The following QKI variants were observed in gnomAD, a reference collection of about 807,000 sequenced individuals.
QKI encodes QKI, KH domain containing RNA binding.
In QKI, 10 loss-of-function variants were observed where a neutral mutation model predicts 39.0. That is an observed-to-expected ratio of 0.26 (90% CI 0.16 to 0.43). QKI has a LOEUF of 0.43. QKI is among the 20% of genes least tolerant of loss of function. The probability of loss-of-function intolerance (pLI) is 1.00; values close to 1 mark genes in which losing one functional copy is unlikely to be tolerated. For synonymous variants in QKI, 204 were observed against 155.4 expected, an observed-to-expected ratio of 1.31 and a Z score of -2.33; for missense variants, 218 against 428.0, an observed-to-expected ratio of 0.51 and a Z score of 4.33.
intron 4 of QKI, among the ~76,000 whole-genome samples, chr6:163,556,577 A>ATAAAT (rs1366739003): frequency 6.6e-6 from 1 of 151,710 alleles, no homozygotes; most frequent in Non-Finnish European, 1.5e-5. Context: ...CTTAATATGC[A>ATAAAT]TAAATTAAAA....
At chr6:163,457,634 ATTT>A (rs375211921) in intron 2 of QKI, 2,102 of 268,092 alleles carry the variant, frequency 7.8e-3, no homozygotes, top group Middle Eastern at 0.015. Flanking sequence ...CACTCCTCTA[ATTT>A]TTTTTTTTTT....
At chr6:163,421,244 G>T (rs192971130) in intron 1 of QKI, among the ~76,000 whole-genome samples, 17 of 152,290 alleles carry the variant, frequency 1.1e-4, no homozygotes, top group Admixed American at 7.8e-4. Context: ...TGCTGCCAAG[G>T]TGCTTAATTT....
At chr6:163,562,200 A>T (rs895602091) in intron 5 of QKI, 131 bp downstream of exon 5, 6 of 495,662 alleles carry the variant, frequency 1.2e-5, no homozygotes, top group African/African-American at 2.0e-5. Flanking sequence ...GTCACTTGAT[A>T]TGGGGCTGAC....
At chr6:163,512,348 T>G (rs1431654425) in intron 3 of QKI, among the ~76,000 whole-genome samples, 1 of 152,020 alleles carries the variant, frequency 6.6e-6, no homozygotes, top group Non-Finnish European at 1.5e-5. Context: ...AATAAAGCAG[T>G]AAAACAAAAT....
At chr6:163,441,132 C>T (rs997720283) in intron 1 of QKI, among the ~76,000 whole-genome samples, 1 of 151,824 alleles carries the variant, frequency 6.6e-6, no homozygotes, top group Non-Finnish European at 1.5e-5. Flanking sequence ...CGGTTTTTTT[C>T]TTAAAGCCAA....
intron 3 of QKI, among the ~76,000 whole-genome samples, chr6:163,503,963 G>A (rs1306506301): frequency 2.6e-5 from 4 of 151,780 alleles, no homozygotes; most frequent in South Asian, 2.1e-4. Context: ...AGCTGGTCTC[G>A]AACTCGTGAG....
At chr6:163,437,039 T>C (rs549385610) in intron 1 of QKI, among the ~76,000 whole-genome samples, 1 of 152,262 alleles carries the variant, frequency 6.6e-6, no homozygotes, top group South Asian at 2.1e-4. Context: ...TTAATTCCCT[T>C]ATCGGTGACA....
intron 2 of QKI, chr6:163,457,430 G>A (rs1444196490): frequency 2.2e-6 from 1 of 455,868 alleles, no homozygotes; most frequent in Non-Finnish European, 4.4e-6. Context: ...GTGTGTTGGA[G>A]CATGGCATTT....
intron 1 of QKI, among the ~76,000 whole-genome samples, chr6:163,420,704 C>T (rs893103291): frequency 4.6e-5 from 7 of 152,072 alleles, no homozygotes; most frequent in South Asian, 4.1e-4. Context: ...ATTTATACCC[C>T]TTTAAAAAAG....
intron 4 of QKI, among the ~76,000 whole-genome samples, chr6:163,548,116 A>C (rs1464882994): frequency 1.3e-5 from 2 of 152,158 alleles, no homozygotes; most frequent in Non-Finnish European, 2.9e-5. Flanking sequence ...TTCTGTACTA[A>C]TATTATAGTA....
rs57881826 is a variant in QKI, at chr6:163,501,352, C to G, written c.402+22456C>G. Among the ~76,000 whole-genome samples the G allele has an allele frequency of 3.3e-3, 501 of 151,104 alleles. 4 individuals are homozygous for G. The highest frequency in any genetic ancestry group is 0.011 in the African/African-American group (472 of 41,200). On this transcript the variant is annotated intron_variant, in intron 3 of 7. Transcript: ENST00000361752. ...TAGACAATAGTTGTTTAATGAGCTG[C>G]TTGTACATACAAGAGAAGAGAATGG...
rs965959373 is a variant in QKI, at chr6:163,488,337, AAGAG to A, written c.402+9453_402+9456del. 2.2e-3 allele frequency among the ~76,000 whole-genome samples: 340 copies of A among 152,064 alleles called. 1 individual carries two copies. The highest frequency in any genetic ancestry group is 4.6e-3 in the African/African-American group (192 of 41,508). ...TTGTTAACAAAAAGTGACAAAAAAA[AAGAG>A]AGAGAGAGAGAAAGAAATAGTGCAG... On this transcript the variant is annotated intron_variant, in intron 3 of 7. Coordinates refer to ENST00000361752, the MANE Select transcript of QKI (RefSeq NM_006775.3).
At chr6:163,424,539 A>G (rs1788261265) in intron 1 of QKI, among the ~76,000 whole-genome samples, 4 of 152,188 alleles carry the variant, frequency 2.6e-5, no homozygotes, top group Admixed American at 2.6e-4. Context: ...GAATGAAATT[A>G]TCAACTGCCC....
At chr6:163,484,528 G>A (rs1429200458) in intron 3 of QKI, among the ~76,000 whole-genome samples, 1 of 152,090 alleles carries the variant, frequency 6.6e-6, no homozygotes, top group Non-Finnish European at 1.5e-5. Flanking sequence ...AAGGGCCCTA[G>A]TATTTTTGGA....
intron 3 of QKI, among the ~76,000 whole-genome samples, chr6:163,485,764 T>C (rs1777627121): frequency 6.6e-6 from 1 of 152,206 alleles, no homozygotes; most frequent in African/African-American, 2.4e-5. Context: ...GTTCAAGTTC[T>C]TTGCTCAAAA....
chr6:163,532,227 A>G (rs1484072260), intron 3 of QKI, among the ~76,000 whole-genome samples: 2 of 152,186 alleles, frequency 1.3e-5, no homozygotes, highest in Non-Finnish European at 2.9e-5. Context: ...TTTGATTATA[A>G]ATGTTCCTCA....
At chr6:163,434,305 A>G (rs187575189) in intron 1 of QKI, among the ~76,000 whole-genome samples, 155 of 152,328 alleles carry the variant, frequency 1.0e-3, no homozygotes, top group African/African-American at 3.7e-3. Context: ...TACTGCGTAT[A>G]ATCTGATAAT....
chr6:163,454,907 G>C (rs1357205609), intron 1 of QKI, among the ~76,000 whole-genome samples: 2 of 152,242 alleles, frequency 1.3e-5, no homozygotes, highest in Non-Finnish European at 2.9e-5. Context: ...TATTAGTTTT[G>C]TCTGACAGGC....
At chr6:163,449,925 A>C (rs909531833) in intron 1 of QKI, among the ~76,000 whole-genome samples, 4 of 151,916 alleles carry the variant, frequency 2.6e-5, no homozygotes, top group African/African-American at 7.3e-5. Flanking sequence ...CCAGTGTTCT[A>C]GTTTTCCAGT....
Sources: gnomAD v4.1 joint callset for allele counts (sites outside exome capture counted in the v4.1 genomes callset) on GRCh38, gnomAD v4.1.1 for gene constraint, MANE v1.5 for transcripts, NCBI Gene and HGNC (gene_info 2026-07-23, HGNC 2026-07-21) for gene names.